The following LYZL4 variants were observed in gnomAD, a reference collection of about 807,000 sequenced individuals.
LYZL4 encodes lysozyme like 4.
A neutral mutation model predicts 17.6 loss-of-function variants in LYZL4; 13 were observed. The observed-to-expected ratio is 0.74, with a 90% CI of 0.48 to 1.18. The LOEUF is 1.18. Among genes scored for constraint, LYZL4 ranks in the 50% most tolerant of loss-of-function variants. The pLI is 0.00. For missense variants in LYZL4, 174 were observed against 188.2 expected (o/e 0.92, Z 0.44); for synonymous variants, 64 against 67.7 (o/e 0.95, Z 0.27).
chr3:42,383,742 T>G, the LYZL4 span, among the ~76,000 whole-genome samples: 1 of 151,848 alleles, frequency 6.6e-6, no homozygotes, highest in African/African-American at 2.4e-5. Context: ...AGAAAGCCCT[T>G]AGACATAAAA....
At position 42,397,180 on chromosome 3, in the gene LYZL4, A is replaced by G. The variant is rs1698562517; in HGVS notation, c.*85T>C. On this transcript the variant is annotated 3_prime_UTR_variant, in exon 5 of 5. Transcript: ENST00000287748. ...GAACTCTTAAAGTGGTGAGATCATCAAAAGGATTGACTGAAGCAGCAAGCA... is the reference window on the plus strand; with the variant it reads ...GAACTCTTAAAGTGGTGAGATCATCGAAAGGATTGACTGAAGCAGCAAGCA... 4 of 954,732 alleles carry G rather than the reference A, an allele frequency of 4.2e-6. No homozygotes were observed. In the Admixed American group the frequency reaches 9.1e-5, roughly 22 times the overall value. 59.1% of individuals were successfully genotyped at this position (954,732 alleles called of 1,614,324 possible).
intron 4 of LYZL4, among the ~76,000 whole-genome samples, chr3:42,398,436 C>T (rs1189149313): frequency 6.6e-6 from 1 of 152,210 alleles, no homozygotes; most frequent in Non-Finnish European, 1.5e-5. Flanking sequence ...TCCACATTAA[C>T]TGGAAACTCG....
rs756043882 is a variant in LYZL4 at position 42,406,850 on chromosome 3, A to G, written c.288T>C (p.Cys96=). 2 of 1,614,036 alleles carry G rather than the reference A, an allele frequency of 1.2e-6. No homozygotes were observed. The highest frequency in any genetic ancestry group is 1.7e-5 in the Admixed American group (1 of 60,034). Residue 96 remains cysteine (C), a synonymous_variant, in exon 3 of 5, where the codon TGT becomes TGC. Coordinates refer to ENST00000287748, the MANE Select transcript of LYZL4 (RefSeq NM_144634.4). ...DHGRNRCHMS[C]SALLNPNLEK... ...GGAATGGAAAGAGGGACTTACCGGA[A>G]CATGACATATGGCAGCGGTTCCTGC...
intron 4 of LYZL4, 62 bp downstream of exon 4, chr3:42,403,984 T>A (rs368401211): frequency 2.0e-5 from 25 of 1,224,382 alleles, no homozygotes; most frequent in African/African-American, 6.1e-5. Flanking sequence ...TTAGCCAAGA[T>A]TCAGATTAGA....
At chr3:42,389,802 C>T in the LYZL4 span, among the ~76,000 whole-genome samples, 25 of 152,248 alleles carry the variant, frequency 1.6e-4, no homozygotes, top group African/African-American at 6.0e-4. Context: ...TGCCTTCCTA[C>T]TTATAGGAAT....
the LYZL4 span, among the ~76,000 whole-genome samples, chr3:42,368,228 T>C: frequency 1.3e-5 from 2 of 152,244 alleles, no homozygotes; most frequent in Non-Finnish European, 2.9e-5. Context: ...TTTCAAATAG[T>C]TAATGGAAAT....
chr3:42,373,549 G>A, the LYZL4 span, among the ~76,000 whole-genome samples: 8 of 152,264 alleles, frequency 5.3e-5, no homozygotes, highest in East Asian at 9.6e-4. Context: ...GTGGGGGAGG[G>A]TGTGCATGTG....
the LYZL4 span, among the ~76,000 whole-genome samples, chr3:42,388,821 C>G: frequency 1.3e-5 from 2 of 152,070 alleles, no homozygotes; most frequent in African/African-American, 4.8e-5. Flanking sequence ...AAACGGGTGA[C>G]CAATAGATAA....
chr3:42,382,066 A>G, the LYZL4 span, among the ~76,000 whole-genome samples: 1 of 152,230 alleles, frequency 6.6e-6, no homozygotes, highest in African/African-American at 2.4e-5. Flanking sequence ...AGAAGAAGTA[A>G]GAACACAGAT....
At chr3:42,389,984 C>T in the LYZL4 span, among the ~76,000 whole-genome samples, 1 of 152,110 alleles carries the variant, frequency 6.6e-6, no homozygotes, top group African/African-American at 2.4e-5. Context: ...ACACATTATA[C>T]GGAACATAAT....
chr3:42,388,573 A>T, the LYZL4 span, among the ~76,000 whole-genome samples: 6 of 152,212 alleles, frequency 3.9e-5, no homozygotes, highest in African/African-American at 1.4e-4. Flanking sequence ...AGCAGAGTTG[A>T]ACGCTTCTTG....
At chr3:42,386,744 A>C in the LYZL4 span, among the ~76,000 whole-genome samples, 1 of 152,224 alleles carries the variant, frequency 6.6e-6, no homozygotes, top group African/African-American at 2.4e-5. Flanking sequence ...TGGATCTGAT[A>C]ATGGTTGGCT....
chr3:42,378,170 G>A, the LYZL4 span, among the ~76,000 whole-genome samples: 4 of 152,154 alleles, frequency 2.6e-5, no homozygotes, highest in African/African-American at 9.7e-5. Context: ...AACAGGAAGT[G>A]TTGAGATTGG....
At chr3:42,406,192 G>A (rs1039842901) in intron 3 of LYZL4, among the ~76,000 whole-genome samples, 3 of 152,136 alleles carry the variant, frequency 2.0e-5, no homozygotes, top group Admixed American at 6.5e-5. Flanking sequence ...GGTGGCTCAC[G>A]CCTGTAACCC....
the LYZL4 span, among the ~76,000 whole-genome samples, chr3:42,365,102 T>C: frequency 6.6e-6 from 1 of 152,196 alleles, no homozygotes; most frequent in Non-Finnish European, 1.5e-5. Flanking sequence ...TTTAAGGACA[T>C]AATCAGATGC....
At chr3:42,366,228 G>T in the LYZL4 span, among the ~76,000 whole-genome samples, 1 of 152,140 alleles carries the variant, frequency 6.6e-6, no homozygotes, top group African/African-American at 2.4e-5. Flanking sequence ...CTTCTGAACT[G>T]CAGGCCCTCG....
At chr3:42,366,416 C>T in the LYZL4 span, among the ~76,000 whole-genome samples, 3 of 152,148 alleles carry the variant, frequency 2.0e-5, no homozygotes, top group Non-Finnish European at 4.4e-5. Flanking sequence ...GAGGTTGTGG[C>T]GGCACCAGGC....
At chr3:42,405,337 C>T (rs1698730236) in intron 3 of LYZL4, among the ~76,000 whole-genome samples, 2 of 152,188 alleles carry the variant, frequency 1.3e-5, no homozygotes, top group African/African-American at 2.4e-5. Context: ...CGTGAGCCGC[C>T]GCGCCTGGCC....
chr3:42,385,190 A>T, the LYZL4 span, among the ~76,000 whole-genome samples: 1 of 152,194 alleles, frequency 6.6e-6, no homozygotes, highest in Non-Finnish European at 1.5e-5. Context: ...TTTCAAAAAA[A>T]AAAAATAAAT....
Sources: allele counts gnomAD v4.1 joint callset (sites outside exome capture counted in the v4.1 genomes callset), GRCh38; gene constraint gnomAD v4.1.1; transcripts MANE v1.5; gene names NCBI Gene and HGNC (gene_info 2026-07-23, HGNC 2026-07-21).